Variants in ENPP1 observed in about 807,000 individuals in gnomAD.
The protein encoded by ENPP1 is ectonucleotide pyrophosphatase/phosphodiesterase family member 1.
ENPP1 carries 73 observed loss-of-function variants against 122.8 expected under a neutral mutation model. That is an observed-to-expected ratio of 0.59 (90% CI 0.49 to 0.72). The LOEUF is 0.72. ENPP1 is among the 30% of genes least tolerant of loss of function. ENPP1 has a pLI of 0.00. For missense variants in ENPP1, 978 were observed against 1,128.1 expected (o/e 0.87, Z 1.91); for synonymous variants, 367 against 391.6 (o/e 0.94, Z 0.74).
rs962691732 is a variant in ENPP1, at chr6:131,893,965, T to C, written c.*3454T>C. 1 of 130,016 alleles carries C rather than the reference T, an allele frequency of 7.7e-6. No individual in the cohort carries two copies. The highest frequency in any genetic ancestry group is 2.9e-5 in the African/African-American group (1 of 33,950). The allele number at this position is 130,016 out of a possible 1,614,324, so 8.1% of individuals were successfully genotyped here. A position where few individuals can be genotyped will look rare whatever the true frequency, so the allele number is the denominator to read the frequency against. On this transcript the variant is annotated 3_prime_UTR_variant, in exon 25 of 25. Transcript: ENST00000647893. The stretch of plus-strand genomic sequence containing the variant: ...TCTTGATTTCTTTTTTTTTTTTTTT[T>C]TTTTTTTTTTTTTTGAGATGCTCTG...
chr6:131,879,698 A>G (rs1782276349), intron 19 of ENPP1, among the ~76,000 whole-genome samples, 182 bp from the exon 20 acceptor site: 1 of 152,226 alleles, frequency 6.6e-6, no homozygotes, highest in South Asian at 2.1e-4. Context: ...GGCAAAAATA[A>G]CAGTGAACCT....
intron 21 of ENPP1, 40 bp downstream of exon 21, chr6:131,882,514 T>C (rs910046328): frequency 3.9e-6 from 6 of 1,521,362 alleles, no homozygotes; most frequent in Non-Finnish European, 5.4e-6. Context: ...TTTCTCCTTT[T>C]TGTTTTCTTT....
intron 7 of ENPP1, 144 bp downstream of exon 7, chr6:131,858,891 G>A: frequency 1.4e-6 from 1 of 701,186 alleles, no homozygotes; most frequent in Non-Finnish European, 2.6e-6. Context: ...TCTGATCTTT[G>A]CTCTGCCACA....
intron 5 of ENPP1, among the ~76,000 whole-genome samples, chr6:131,853,364 A>G (rs1206366383): frequency 6.6e-6 from 1 of 152,138 alleles, no homozygotes; most frequent in African/African-American, 2.4e-5. Context: ...TTTTTCTTCT[A>G]AATATTGCTT....
chr6:131,827,925 C>A, intron 1 of ENPP1: 2 of 1,121,742 alleles, frequency 1.8e-6, no homozygotes, highest in Middle Eastern at 2.0e-4. Context: ...TGCAGGTGGT[C>A]CGTGGAGAAT....
chr6:131,881,145 A>C (rs1338417099), intron 20 of ENPP1, among the ~76,000 whole-genome samples: 1 of 152,254 alleles, frequency 6.6e-6, no homozygotes, highest in Non-Finnish European at 1.5e-5. Context: ...GATTTAAAAA[A>C]TAAAATGATT....
At chr6:131,821,201 C>T (rs920217493) in intron 1 of ENPP1, among the ~76,000 whole-genome samples, 2 of 152,156 alleles carry the variant, frequency 1.3e-5, no homozygotes, top group African/African-American at 2.4e-5. Context: ...TTCATAGATC[C>T]TCAGAGGTTT....
In ENPP1 at chr6:131,856,576, C is replaced by G. The variant is rs187870724; in HGVS notation, c.715+1553C>G. Among the ~76,000 whole-genome samples the G allele has an allele frequency of 2.4e-4, 35 of 143,548 alleles. 1 individual carries two copies. The East Asian group carries it at 6.2e-3, about 25-fold the overall frequency. 94.2% of individuals were successfully genotyped at this position (143,548 alleles called of 152,430 possible). ...TGAAGTCCTTGCCCATGCCTGTGTC[C>G]TGAATGGCAATGCCTAGGTTTTCTT... On this transcript the variant is annotated intron_variant, in intron 6 of 24. Coordinates refer to ENST00000647893, the MANE Select transcript of ENPP1 (RefSeq NM_006208.3).
chr6:131,841,677 A>T (rs1781742311), intron 1 of ENPP1, among the ~76,000 whole-genome samples: 1 of 152,198 alleles, frequency 6.6e-6, no homozygotes, highest in African/African-American at 2.4e-5. Context: ...ACCATGCTAG[A>T]TGTGGAAAAC....
intron 1 of ENPP1, chr6:131,827,352 C>A: frequency 1.8e-6 from 2 of 1,087,466 alleles, no homozygotes; most frequent in Non-Finnish European, 2.8e-6. Context: ...AGGGATGTCA[C>A]TATAGTTGCT....
intron 1 of ENPP1, among the ~76,000 whole-genome samples, chr6:131,839,156 C>T (rs545556082): frequency 2.0e-5 from 3 of 152,226 alleles, no homozygotes; most frequent in South Asian, 2.1e-4. Flanking sequence ...TGATGTGAAT[C>T]GGTATGAGCC....
rs1781304827 is a variant in ENPP1 at position 131,808,235 on chromosome 6, G to A, written c.200G>A (p.Arg67His). Residue 67 changes from arginine (R) to histidine (H), a missense_variant, in exon 1 of 25, where the codon CGC becomes CAC. Arg to His is a conservative substitution (Grantham distance 29, BLOSUM62 0). Transcript: ENST00000647893. Reference protein sequence around the residue: ...EEPLEKAARARTAKDPNTYKV... With the variant: ...EEPLEKAARAHTAKDPNTYKV... ...CCGCTGGAGAAGGCGGCGCGCGCCC[G>A]CACTGCCAAGGACCCCAACACCTAT... 2.6e-6 allele frequency: 4 copies of A among 1,516,200 alleles called. No homozygotes were observed. Among genetic ancestry groups the A allele is most frequent in the East Asian group, 2.7e-5 (1 of 37,424 alleles). 93.9% of individuals were successfully genotyped at this position (1,516,200 alleles called of 1,614,324 possible).
chr6:131,831,520 T>TA (rs1303019111), intron 1 of ENPP1, among the ~76,000 whole-genome samples: 1 of 152,216 alleles, frequency 6.6e-6, no homozygotes, highest in Non-Finnish European at 1.5e-5. Context: ...CAGGCCTCCT[T>TA]AGGCTTTTCT....
Position 131,872,083 on chromosome 6 carries a change from C to T in ENPP1, c.1419C>T (p.Gly473=). The T allele has an allele frequency of 6.3e-7, 1 of 1,589,804 alleles. No individual in the cohort carries two copies. Among genetic ancestry groups the T allele is most frequent in the Non-Finnish European group, 8.6e-7 (1 of 1,161,014 alleles). ...GTTCCCCTCCAGTTAACTATGAAGG[C>T]ATTGCCCGAAATCTTTCTGTGAGTA... The part of the protein sequence containing the change: ...PDKYYSFNYE[G]IARNLSCREP... The change falls in exon 14 of 25, where the codon GGC becomes GGT. Residue 473 remains glycine, a synonymous_variant. Transcript: ENST00000647893.
intron 17 of ENPP1, among the ~76,000 whole-genome samples, chr6:131,876,612 T>C (rs894465221): frequency 6.6e-6 from 1 of 152,206 alleles, no homozygotes; most frequent in Non-Finnish European, 1.5e-5. Context: ...GTTAGTAACT[T>C]TGAGACTTGG....
At chr6:131,886,794 C>T (rs1782383695) in intron 24 of ENPP1, 70 bp downstream of exon 24, 9 of 1,336,648 alleles carry the variant, frequency 6.7e-6, no homozygotes, top group Non-Finnish European at 9.5e-6. Context: ...TTATGTCACC[C>T]ATCTGACATT....
intron 12 of ENPP1, among the ~76,000 whole-genome samples, chr6:131,868,668 C>T (rs764930970): frequency 1.3e-5 from 2 of 152,224 alleles, no homozygotes; most frequent in Non-Finnish European, 2.9e-5. Context: ...TGGTCTCAAA[C>T]TCTTGCTCTC....
At chr6:131,808,554 G>T (rs1781310918) in intron 1 of ENPP1, among the ~76,000 whole-genome samples, 1 of 152,182 alleles carries the variant, frequency 6.6e-6, no homozygotes, top group Non-Finnish European at 1.5e-5. Flanking sequence ...AGAAATACTC[G>T]ACCCCCTGCC....
rs1490883471 is a variant in ENPP1, at chr6:131,892,323, A to T, written c.*1812A>T. On this transcript the variant is annotated 3_prime_UTR_variant, in exon 25 of 25. Transcript: ENST00000647893. ...GCAGGGGAATTGGGAGCACTGCTTC[A>T]TTATTACCAGGTGTGGCTAGGAGTC... 3 of 152,222 alleles carry T rather than the reference A, an allele frequency of 2.0e-5. No individual in the cohort carries two copies. Among genetic ancestry groups the T allele is most frequent in the African/African-American group, 7.2e-5 (3 of 41,428 alleles). 9.4% of individuals were successfully genotyped at this position (152,222 alleles called of 1,614,324 possible).
Sources: gnomAD v4.1 joint callset for allele counts (sites outside exome capture counted in the v4.1 genomes callset) on GRCh38, gnomAD v4.1.1 for gene constraint, MANE v1.5 for transcripts, NCBI Gene and HGNC (gene_info 2026-07-23, HGNC 2026-07-21) for gene names.